MGAT4C: variants seen among roughly 807,000 people sequenced by gnomAD.
MGAT4C encodes the protein alpha-1,3-mannosyl-glycoprotein 4-beta-N-acetylglucosaminyltransferase C.
Under a neutral mutation model 40.1 loss-of-function variants are expected in MGAT4C, and 19 were observed. That is an observed-to-expected ratio of 0.47 (90% CI 0.33 to 0.70). The LOEUF is 0.70. MGAT4C is among the 30% of genes least tolerant of loss of function. The pLI is 0.02. For synonymous variants in MGAT4C, 181 were observed against 187.1 expected (o/e 0.97, Z 0.27); for missense variants, 491 against 563.2 (o/e 0.87, Z 1.30).
intron 1 of MGAT4C, among the ~76,000 whole-genome samples, chr12:86,154,035 G>A (rs950956239): frequency 6.6e-6 from 1 of 152,170 alleles, no homozygotes. Flanking sequence ...AAAGAGAAAA[G>A]GAAAGTTATA....
intron 1 of MGAT4C, among the ~76,000 whole-genome samples, chr12:86,743,116 A>G (rs867406712): frequency 1.5e-3 from 219 of 144,586 alleles, no homozygotes; most frequent in African/African-American, 4.7e-3. Context: ...GTGTGTATGC[A>G]TGTGTGTGTG....
intron 3 of MGAT4C, among the ~76,000 whole-genome samples, chr12:86,386,247 C>T (rs551310083): frequency 6.6e-6 from 1 of 152,158 alleles, no homozygotes; most frequent in Admixed American, 6.5e-5. Context: ...CAACTATGTT[C>T]AAGGCACTGT....
rs139558602 is a variant in MGAT4C, at chr12:86,742,488, C to T, written c.-261-15247G>A. On this transcript the variant is annotated intron_variant, in intron 1 of 7. Coordinates refer to the MGAT4C transcript ENST00000548651. ...ATGTTGCATTTATGTGTTTCTGCTTCCACCTTGCTCCATGAGTATGACATG... is the reference window on the plus strand; with the variant it reads ...ATGTTGCATTTATGTGTTTCTGCTTTCACCTTGCTCCATGAGTATGACATG... Among the ~76,000 whole-genome samples the T allele has an allele frequency of 3.2e-4, 48 of 151,580 alleles. No homozygotes were observed. The East Asian group carries it at 9.0e-3, about 28-fold the overall frequency.
intron 4 of MGAT4C, among the ~76,000 whole-genome samples, chr12:86,324,282 A>C (rs1477973549): frequency 1.3e-5 from 2 of 151,958 alleles, no homozygotes; most frequent in Admixed American, 6.6e-5. Flanking sequence ...ATACATCCTC[A>C]TTAAAAGCAA....
intron 2 of MGAT4C, among the ~76,000 whole-genome samples, chr12:86,606,456 A>G (rs1962050399): frequency 6.6e-6 from 1 of 152,136 alleles, no homozygotes; most frequent in South Asian, 2.1e-4. Context: ...ACAGATTGCC[A>G]TATTCTTCTA....
At chr12:86,189,267 T>C (rs1035720220) in intron 1 of MGAT4C, among the ~76,000 whole-genome samples, 3 of 151,996 alleles carry the variant, frequency 2.0e-5, no homozygotes, top group African/African-American at 7.2e-5. Context: ...CATAAAATTA[T>C]TTTTACATTT....
chr12:86,070,404 T>G (rs1423960571), intron 1 of MGAT4C, among the ~76,000 whole-genome samples: 1 of 152,088 alleles, frequency 6.6e-6, no homozygotes, highest in Non-Finnish European at 1.5e-5. Context: ...ACCTGGTAAA[T>G]ACTTATAAAA....
intron 2 of MGAT4C, among the ~76,000 whole-genome samples, chr12:86,518,343 GAAAGTAAATAATAAGAC>G (rs1473262047): frequency 6.6e-6 from 1 of 152,096 alleles, no homozygotes; most frequent in African/African-American, 2.4e-5. Context: ...TATATAACTT[GAAAGTAAATAATAAGAC>G]AAAGTAAAGA....
chr12:86,414,095 A>C (rs1956658017), intron 3 of MGAT4C, among the ~76,000 whole-genome samples: 1 of 152,130 alleles, frequency 6.6e-6, no homozygotes, highest in Non-Finnish European at 1.5e-5. Flanking sequence ...GTACATGAAA[A>C]GCAACTTGAA....
chr12:86,364,500 A>C (rs10745412), intron 3 of MGAT4C, among the ~76,000 whole-genome samples: 111,383 of 151,926 alleles, frequency 0.73, 41,033 homozygotes, highest in East Asian at 0.9. Context: ...GATCCATTTT[A>C]ATTCTTCTGC....
intron 2 of MGAT4C, among the ~76,000 whole-genome samples, chr12:86,039,356 C>G (rs1891577708): frequency 6.6e-6 from 1 of 152,168 alleles, no homozygotes; most frequent in African/African-American, 2.4e-5. Context: ...TCAGGTACAC[C>G]TATCAAATGT....
intron 2 of MGAT4C, among the ~76,000 whole-genome samples, chr12:86,443,196 G>GTA (rs906290590): frequency 3.4e-4 from 49 of 146,166 alleles, no homozygotes; most frequent in African/African-American, 1.1e-3. Context: ...GTGTGTGTGT[G>GTA]TATATATATA....
chr12:86,318,351 C>T (rs1954296614), intron 4 of MGAT4C, among the ~76,000 whole-genome samples: 1 of 152,174 alleles, frequency 6.6e-6, no homozygotes, highest in Admixed American at 6.6e-5. Context: ...ACTGTCTACA[C>T]CTGAAGGAGC....
chr12:86,317,872 A>G (rs1954283613), intron 4 of MGAT4C, among the ~76,000 whole-genome samples: 1 of 151,288 alleles, frequency 6.6e-6, no homozygotes, highest in African/African-American at 2.4e-5. Context: ...CTGCTACTAG[A>G]TGGCAAACTC....
intron 1 of MGAT4C, among the ~76,000 whole-genome samples, chr12:86,109,059 G>A (rs1876728581): frequency 6.6e-6 from 1 of 152,130 alleles, no homozygotes; most frequent in African/African-American, 2.4e-5. Context: ...CAGAGATCCT[G>A]TATGGTCAGT....
chr12:86,689,589 G>A (rs552190184), intron 2 of MGAT4C, among the ~76,000 whole-genome samples: 128 of 152,300 alleles, frequency 8.4e-4, no homozygotes, highest in African/African-American at 2.9e-3. Context: ...AGGTCTGTTG[G>A]AGTTTGCTGG....
intron 1 of MGAT4C, among the ~76,000 whole-genome samples, chr12:86,207,007 G>A (rs556428888): frequency 1.2e-4 from 18 of 152,158 alleles, no homozygotes; most frequent in Admixed American, 3.9e-4. Flanking sequence ...TATTTAGTAG[G>A]AGGGTTAAAT....
intron 2 of MGAT4C, among the ~76,000 whole-genome samples, chr12:86,486,095 C>A (rs1040660001): frequency 6.6e-6 from 1 of 151,988 alleles, no homozygotes; most frequent in African/African-American, 2.4e-5. Flanking sequence ...AAGAACAATA[C>A]CCAGTACCAC....
chr12:86,160,024 A>G (rs1311685313), intron 1 of MGAT4C, among the ~76,000 whole-genome samples: 1 of 151,962 alleles, frequency 6.6e-6, no homozygotes, highest in Non-Finnish European at 1.5e-5. Flanking sequence ...ATAGATTTTT[A>G]CGTCTCAATT....
Sources: gnomAD v4.1 joint callset for allele counts (sites outside exome capture counted in the v4.1 genomes callset) on GRCh38, gnomAD v4.1.1 for gene constraint, MANE v1.5 for transcripts, NCBI Gene and HGNC (gene_info 2026-07-23, HGNC 2026-07-21) for gene names.